Variants in GRID1 observed in about 807,000 individuals in gnomAD.
The protein encoded by GRID1 is glutamate receptor ionotropic, delta-1.
A neutral mutation model predicts 98.0 loss-of-function variants in GRID1; 28 were observed. That is an observed-to-expected ratio of 0.29 (90% CI 0.21 to 0.39). The LOEUF is 0.39. Among genes scored for constraint, GRID1 ranks in the 10% least tolerant of loss-of-function variants. GRID1 has a pLI of 1.00. For missense variants in GRID1, 1,111 were observed against 1,340.5 expected (o/e 0.83, Z 2.67); for synonymous variants, 553 against 538.5 (o/e 1.03, Z -0.37).
At position 86,195,932 on chromosome 10, in the gene GRID1, A is replaced by G. The variant is rs1456976146; in HGVS notation, c.520+10432T>C. Among the ~76,000 whole-genome samples, 1 of 152,104 alleles carries G rather than the reference A, an allele frequency of 6.6e-6. No homozygotes were observed. The highest frequency in any genetic ancestry group is 2.4e-5 in the African/African-American group (1 of 41,438). Reference sequence around the variant, plus strand: ...ATTCCAGAGCAATGCAACCAGAGAGAACGGGCTTCCGTTCTTGAGCATCCT... The same window carrying G: ...ATTCCAGAGCAATGCAACCAGAGAGGACGGGCTTCCGTTCTTGAGCATCCT... On this transcript the variant is annotated intron_variant, in intron 3 of 15. Coordinates refer to ENST00000327946, the MANE Select transcript of GRID1 (RefSeq NM_017551.3). The surrounding 1 kb of genome is among the most constrained non-coding windows in gnomAD (Gnocchi z 4.4).
chr10:85,667,024 T>C (rs1456247662), intron 12 of GRID1, among the ~76,000 whole-genome samples: 1 of 152,146 alleles, frequency 6.6e-6, no homozygotes, highest in African/African-American at 2.4e-5. Context: ...GCAGAGAACA[T>C]TCATTAGGCT....
chr10:85,821,079 C>A (rs1486118948), intron 8 of GRID1, among the ~76,000 whole-genome samples: 1 of 151,608 alleles, frequency 6.6e-6, no homozygotes, highest in African/African-American at 2.4e-5. Flanking sequence ...AATTACTCAA[C>A]AATAAAAAGA....
chr10:86,135,096 AGC>A (rs1844901505), intron 4 of GRID1, among the ~76,000 whole-genome samples: 1 of 152,222 alleles, frequency 6.6e-6, no homozygotes, highest in African/African-American at 2.4e-5. Flanking sequence ...CCCTCTCAGC[AGC>A]TGCTGCCTTG....
chr10:85,734,475 T>A (rs571736695), intron 8 of GRID1, among the ~76,000 whole-genome samples: 148 of 152,336 alleles, frequency 9.7e-4, no homozygotes, highest in African/African-American at 3.3e-3. Flanking sequence ...TGGTTAGGAA[T>A]TAAAAGTATT....
intron 3 of GRID1, among the ~76,000 whole-genome samples, chr10:86,143,945 G>A (rs1845047431): frequency 6.6e-6 from 1 of 152,094 alleles, no homozygotes; most frequent in Non-Finnish European, 1.5e-5. Flanking sequence ...ACCCTCTTTG[G>A]GCTCTCAGGG....
chr10:85,931,235 C>G (rs1804927854), intron 4 of GRID1, among the ~76,000 whole-genome samples: 1 of 152,058 alleles, frequency 6.6e-6, no homozygotes. Context: ...CCTTCCTTCC[C>G]TCTCCCCCTG....
chr10:85,685,357 C>T (rs558221876), intron 12 of GRID1, among the ~76,000 whole-genome samples: 1 of 152,190 alleles, frequency 6.6e-6, no homozygotes, highest in East Asian at 1.9e-4. Context: ...AAATCTAACA[C>T]AAGGTGTCTA....
chr10:85,766,325 A>G (rs1473277825), intron 8 of GRID1, among the ~76,000 whole-genome samples: 1 of 152,176 alleles, frequency 6.6e-6, no homozygotes, highest in African/African-American at 2.4e-5. Context: ...ATTTCTATAG[A>G]AAATTTAAAA....
At chr10:85,778,579 A>C (rs1243397818) in intron 8 of GRID1, among the ~76,000 whole-genome samples, 1 of 152,240 alleles carries the variant, frequency 6.6e-6, no homozygotes, top group Non-Finnish European at 1.5e-5. Context: ...AGGAAAAAAC[A>C]AAACAATTTC....
intron 4 of GRID1, among the ~76,000 whole-genome samples, chr10:85,974,449 T>C (rs1828654087): frequency 6.6e-6 from 1 of 152,206 alleles, no homozygotes; most frequent in Admixed American, 6.5e-5. Context: ...ACTATTATTG[T>C]TTTTAATTAT....
At chr10:86,040,064 T>C (rs919064225) in intron 4 of GRID1, among the ~76,000 whole-genome samples, 2 of 152,174 alleles carry the variant, frequency 1.3e-5, no homozygotes, top group Admixed American at 1.3e-4. Flanking sequence ...GCATTTCAGG[T>C]AGGGCATCCA....
chr10:85,702,382 C>T (rs920192080), intron 12 of GRID1, among the ~76,000 whole-genome samples: 2 of 151,890 alleles, frequency 1.3e-5, no homozygotes, highest in Non-Finnish European at 2.9e-5. Flanking sequence ...CCAGAATGAG[C>T]AGGAAAAGGA....
At chr10:86,080,420 A>G (rs1589364299) in intron 4 of GRID1, among the ~76,000 whole-genome samples, 1 of 8,458 alleles carries the variant, frequency 1.2e-4, no homozygotes, top group Non-Finnish European at 2.2e-4. Flanking sequence ...AGGGGAGGGG[A>G]GGGGAGGGGA....
chr10:85,758,235 G>C (rs1449196597), intron 8 of GRID1, among the ~76,000 whole-genome samples: 1 of 152,070 alleles, frequency 6.6e-6, no homozygotes, highest in African/African-American at 2.4e-5. Context: ...TCAAATAATT[G>C]CAAAACTTAG....
intron 12 of GRID1, among the ~76,000 whole-genome samples, chr10:85,678,056 A>T (rs1841165086): frequency 1.3e-5 from 2 of 151,994 alleles, no homozygotes; most frequent in African/African-American, 4.8e-5. Flanking sequence ...AAAGGCAGGA[A>T]TCTCATTTCT....
At chr10:85,852,579 T>C (rs961556402) in intron 8 of GRID1, among the ~76,000 whole-genome samples, 22 of 152,168 alleles carry the variant, frequency 1.4e-4, no homozygotes, top group African/African-American at 5.3e-4. Flanking sequence ...AACTTCAAAA[T>C]AAGACTTGGG....
chr10:85,754,520 A>G (rs967248248), intron 8 of GRID1, among the ~76,000 whole-genome samples: 2 of 152,238 alleles, frequency 1.3e-5, no homozygotes, highest in African/African-American at 2.4e-5. Flanking sequence ...TATGACAAAG[A>G]GAGTGAGATA....
chr10:86,046,158 C>CAA (rs1424464318), intron 4 of GRID1, among the ~76,000 whole-genome samples: 2 of 152,192 alleles, frequency 1.3e-5, no homozygotes, highest in African/African-American at 2.4e-5. Flanking sequence ...CTTTCCATGG[C>CAA]AATGACCTGA....
intron 13 of GRID1, among the ~76,000 whole-genome samples, chr10:85,631,018 A>G (rs956453164): frequency 6.6e-6 from 1 of 152,230 alleles, no homozygotes; most frequent in African/African-American, 2.4e-5. Flanking sequence ...ATTTTAAAGG[A>G]AAGTCACACT....
Sources: allele counts gnomAD v4.1 joint callset (sites outside exome capture counted in the v4.1 genomes callset), GRCh38; gene constraint gnomAD v4.1.1; non-coding constraint Gnocchi (gnomAD v3.1); transcripts MANE v1.5; gene names NCBI Gene and HGNC (gene_info 2026-07-23, HGNC 2026-07-21).